Variants in RTN4RL1 observed in about 807,000 individuals in gnomAD.
RTN4RL1 encodes the protein reticulon 4 receptor like 1.
A neutral mutation model predicts 25.6 loss-of-function variants in RTN4RL1; 7 were observed. The ratio of observed to expected loss-of-function variants is 0.27; its 90% confidence interval spans 0.16 to 0.51. RTN4RL1 has a LOEUF of 0.51. RTN4RL1 is among the 20% of genes least tolerant of loss of function. The pLI, the probability that RTN4RL1 is intolerant of heterozygous loss-of-function variation, is 0.97. For missense variants in RTN4RL1, 500 were observed against 615.6 expected (o/e 0.81, Z 1.99); for synonymous variants, 297 against 288.2 (o/e 1.03, Z -0.31).
At chr17:2,021,605 A>G (rs1485487642) in intron 1 of RTN4RL1, among the ~76,000 whole-genome samples, 1 of 121,904 alleles carries the variant, frequency 8.2e-6, no homozygotes, top group Non-Finnish European at 1.6e-5. Flanking sequence ...CCTGGGCTGG[A>G]GTGCAGTGGT....
At chr17:2,021,846 T>C (rs866561258) in intron 1 of RTN4RL1, among the ~76,000 whole-genome samples, 23 of 136,746 alleles carry the variant, frequency 1.7e-4, no homozygotes, top group Middle Eastern at 3.6e-3. Context: ...TGAGCCACTG[T>C]GCCCGGTCTT....
chr17:2,017,711 A>ACGCG (rs1364359154), intron 1 of RTN4RL1: 1 of 149,892 alleles, frequency 6.7e-6, no homozygotes, highest in Non-Finnish European at 1.5e-5. Context: ...ACACACGCAC[A>ACGCG]CACACTATGG....
intron 1 of RTN4RL1, among the ~76,000 whole-genome samples, chr17:1,942,934 G>C (rs1230721021): frequency 6.6e-6 from 1 of 152,208 alleles, no homozygotes; most frequent in African/African-American, 2.4e-5. Context: ...TAAGTACACA[G>C]AGCCTCCAAG....
intron 1 of RTN4RL1, among the ~76,000 whole-genome samples, chr17:1,957,353 C>A (rs914778534): frequency 6.6e-6 from 1 of 152,114 alleles, no homozygotes; most frequent in Non-Finnish European, 1.5e-5. Flanking sequence ...GTAAAACAGA[C>A]CAGGCCCGTG....
intron 1 of RTN4RL1, among the ~76,000 whole-genome samples, chr17:1,958,889 A>G (rs1444884370): frequency 2.0e-5 from 3 of 152,258 alleles, no homozygotes; most frequent in African/African-American, 7.2e-5. Flanking sequence ...TTCAAACTGC[A>G]TTAGTCAAAA....
rs71150842 is a variant in RTN4RL1 at position 1,982,613 on chromosome 17, CAAAAGAAAAG to C, written c.13+42230_13+42239del. On this transcript the variant is annotated intron_variant, in intron 1 of 1. Transcript: ENST00000331238. ...TGGGGGTCAGAGCGAGACTCCGTCT[CAAAAGAAAAG>C]AAAAGAAAAGAAAAGAAAAGAAAAG... Among the ~76,000 whole-genome samples, 761 of 149,092 alleles carry C rather than the reference CAAAAGAAAAG, an allele frequency of 5.1e-3. 10 individuals carry two copies. Among genetic ancestry groups the C allele is most frequent in the African/African-American group, 0.016 (643 of 40,264 alleles).
intron 1 of RTN4RL1, among the ~76,000 whole-genome samples, chr17:1,977,276 A>G (rs1425924796): frequency 1.3e-5 from 2 of 152,204 alleles, no homozygotes; most frequent in Non-Finnish European, 2.9e-5. Flanking sequence ...ACACCCAGGC[A>G]ATAGAAAGGC....
chr17:1,942,745 C>T (rs1021764158), intron 1 of RTN4RL1, among the ~76,000 whole-genome samples: 45 of 152,160 alleles, frequency 3.0e-4, no homozygotes, highest in African/African-American at 1.0e-3. Context: ...GGCCTGAGCA[C>T]GGGAAGCCAC....
At chr17:2,004,324 C>T (rs1185509309) in intron 1 of RTN4RL1, among the ~76,000 whole-genome samples, 14 of 145,144 alleles carry the variant, frequency 9.6e-5, no homozygotes, top group South Asian at 2.3e-4. Flanking sequence ...GCCGAGATCG[C>T]GCCACTGCAC....
intron 1 of RTN4RL1, among the ~76,000 whole-genome samples, chr17:2,010,503 A>C (rs1350457495): frequency 6.6e-6 from 1 of 151,780 alleles, no homozygotes; most frequent in African/African-American, 2.4e-5. Context: ...TTTATTGTCT[A>C]TTTCTCCACC....
At chr17:2,001,274 T>G (rs2066955928) in intron 1 of RTN4RL1, among the ~76,000 whole-genome samples, 1 of 151,886 alleles carries the variant, frequency 6.6e-6, no homozygotes, top group Non-Finnish European at 1.5e-5. Context: ...AGATGGAGTC[T>G]CACTCTGTTG....
At chr17:1,980,007 G>A (rs1328173403) in intron 1 of RTN4RL1, among the ~76,000 whole-genome samples, 1 of 152,114 alleles carries the variant, frequency 6.6e-6, no homozygotes, top group East Asian at 1.9e-4. Flanking sequence ...CCCTGGCCTG[G>A]GGGTGTCTTA....
chr17:1,995,226 G>A (rs2066924155), intron 1 of RTN4RL1, among the ~76,000 whole-genome samples: 1 of 152,152 alleles, frequency 6.6e-6, no homozygotes, highest in Admixed American at 6.5e-5. Context: ...AGGAGTTTGA[G>A]ACCGGCCTGG....
intron 1 of RTN4RL1, among the ~76,000 whole-genome samples, chr17:1,964,702 A>T (rs1383823663): frequency 2.0e-5 from 3 of 151,864 alleles, no homozygotes; most frequent in Admixed American, 6.6e-5. Flanking sequence ...AGTGCACTCC[A>T]GCCTGGGCGA....
intron 1 of RTN4RL1, among the ~76,000 whole-genome samples, chr17:1,940,975 C>T (rs1451897482): frequency 2.0e-5 from 3 of 152,186 alleles, no homozygotes; most frequent in Non-Finnish European, 2.9e-5. Context: ...CAAGAGAGGC[C>T]TTGCGGCAGG....
chr17:1,986,444 C>T (rs918834247), intron 1 of RTN4RL1, among the ~76,000 whole-genome samples: 82 of 152,062 alleles, frequency 5.4e-4, no homozygotes, highest in African/African-American at 1.5e-3. Context: ...GCGTCTTTGT[C>T]GATGTAATTA....
intron 1 of RTN4RL1, among the ~76,000 whole-genome samples, chr17:1,963,233 C>T (rs898593662): frequency 1.3e-4 from 20 of 152,216 alleles, no homozygotes; most frequent in African/African-American, 4.8e-4. Flanking sequence ...GGCTGAGCCA[C>T]CAGCCCCTCT....
chr17:2,011,773 G>A (rs1372164834), intron 1 of RTN4RL1, among the ~76,000 whole-genome samples: 3 of 152,172 alleles, frequency 2.0e-5, no homozygotes, highest in Admixed American at 6.5e-5. Context: ...AATTAGGTAA[G>A]ATGATCATTG....
intron 1 of RTN4RL1, among the ~76,000 whole-genome samples, chr17:1,979,887 TGGA>T (rs2066859946): frequency 1.3e-5 from 2 of 152,076 alleles, no homozygotes; most frequent in Non-Finnish European, 2.9e-5. Context: ...CGGAATTGCG[TGGA>T]GAAGGAAATC....
Sources: allele counts gnomAD v4.1 joint callset (sites outside exome capture counted in the v4.1 genomes callset), GRCh38; gene constraint gnomAD v4.1.1; transcripts MANE v1.5; gene names NCBI Gene and HGNC (gene_info 2026-07-23, HGNC 2026-07-21).